Variants in CDC25C observed in about 807,000 individuals in gnomAD.
CDC25C encodes the protein cell division cycle 25C.
CDC25C carries 48 observed loss-of-function variants against 52.5 expected under a neutral mutation model. The observed-to-expected ratio is 0.91, with a 90% CI of 0.72 to 1.16. CDC25C has a LOEUF of 1.16. Among genes scored for constraint, CDC25C ranks in the 50% most tolerant of loss-of-function variants. The pLI is 0.00. For synonymous variants in CDC25C, 187 were observed against 206.5 expected (o/e 0.91, Z 0.81); for missense variants, 510 against 566.1 (o/e 0.90, Z 1.01).
At chr5:138,300,229 A>G (rs540194932) in intron 7 of CDC25C, among the ~76,000 whole-genome samples, 1 of 152,188 alleles carries the variant, frequency 6.6e-6, no homozygotes, top group Non-Finnish European at 1.5e-5. Flanking sequence ...CAGAAATGCA[A>G]GGTTGATATA....
chr5:138,289,376 T>C (rs1332801245), intron 10 of CDC25C, 125 bp downstream of exon 10: 5 of 676,896 alleles, frequency 7.4e-6, no homozygotes, highest in Non-Finnish European at 1.3e-5. Context: ...ATAACTTCAG[T>C]TGAATAAGGA....
rs770854470 is a variant in CDC25C at position 138,286,484 on chromosome 5, T to C, written c.1160+13A>G. 1.2e-6 allele frequency: 2 copies of C among 1,608,172 alleles called. No individual in the cohort carries two copies. The highest frequency in any genetic ancestry group is 1.3e-5 in the African/African-American group (1 of 74,728). Reference sequence around the variant, plus strand: ...CATTTCCATCACCCGCCAGACCCCATTTAGACACTCACATTCGGGGGCCCC... The same window carrying C: ...CATTTCCATCACCCGCCAGACCCCACTTAGACACTCACATTCGGGGGCCCC... On this transcript the variant is annotated intron_variant, in intron 12 of 13. Coordinates refer to ENST00000323760, the MANE Select transcript of CDC25C (RefSeq NM_001790.5).
rs199842341 is a variant in CDC25C at position 138,319,288 on chromosome 5, T to C, written c.546A>G (p.Leu182=). The change falls in exon 7 of 14, where the codon CTA becomes CTG. Residue 182 remains leucine (L), a synonymous_variant. Coordinates refer to ENST00000323760, the MANE Select transcript of CDC25C (RefSeq NM_001790.5). The part of the protein sequence containing the change: ...TVPKLDKNPN[L]GEDQAEEISD... ...AAATCTCTTCTGCCTGGTCTTCTCCTAGGTTTGGATTTTTATCCAATTTTG... is the reference window on the plus strand; with the variant it reads ...AAATCTCTTCTGCCTGGTCTTCTCCCAGGTTTGGATTTTTATCCAATTTTG... 1.8e-4 allele frequency: 296 copies of C among 1,613,094 alleles called. No individual in the cohort carries two copies. Among genetic ancestry groups the C allele is most frequent in the Non-Finnish European group, 2.4e-4 (281 of 1,179,220 alleles).
intron 1 of CDC25C, among the ~76,000 whole-genome samples, 185 bp from the exon 2 acceptor site, chr5:138,331,403 G>C (rs889690533): frequency 2.6e-5 from 4 of 152,200 alleles, no homozygotes; most frequent in Admixed American, 1.3e-4. Context: ...CCTTAAAGAT[G>C]GAATGAAGAG....
Position 138,303,151 on chromosome 5 carries a change from C to T in CDC25C, c.616-11035G>A, listed in dbSNP as rs186927163. 7.6e-4 allele frequency among the ~76,000 whole-genome samples: 116 copies of T among 152,294 alleles called. 2 individuals carry two copies. The East Asian group carries it at 0.022, about 29-fold the overall frequency. ...AGGAAATAGAAGGGAACTTCCTCAA[C>T]CTGATGATGGGCTTCTCAAGAAATG... is the stretch of plus-strand genomic sequence containing the variant. On this transcript the variant is annotated intron_variant, in intron 7 of 13. Transcript: ENST00000323760.
At chr5:138,287,918 T>G (rs899750614) in intron 10 of CDC25C, among the ~76,000 whole-genome samples, 1 of 152,188 alleles carries the variant, frequency 6.6e-6, no homozygotes, top group African/African-American at 2.4e-5. Context: ...AACTTCAATA[T>G]TCAATAATAG....
At position 138,331,079 on chromosome 5, in the gene CDC25C, C is replaced by T. The variant is rs776199779; in HGVS notation, c.102G>A (p.Glu34=). ...GACAGACGGTAAAGGAAGTGTCTCT[C>T]TCCAGGAGCAGGTTTAACATTTTCC... ...NQRKMLNLLL[E]RDTSFTVCPD... The change falls in exon 2 of 14, where the codon GAG becomes GAA. Residue 34 remains glutamate, a synonymous_variant. Coordinates refer to ENST00000323760, the MANE Select transcript of CDC25C (RefSeq NM_001790.5). 10 of 1,614,152 alleles carry T rather than the reference C, an allele frequency of 6.2e-6. No individual in the cohort carries two copies. The South Asian group carries it at 7.7e-5, about 12-fold the overall frequency.
chr5:138,293,699 T>C lies in CDC25C; in HGVS notation c.616-1583A>G, dbSNP rs1468775423. On this transcript the variant is annotated intron_variant, in intron 7 of 13. Coordinates refer to ENST00000323760, the MANE Select transcript of CDC25C (RefSeq NM_001790.5). ...GGTCTCGCTGTCACTCTGGTTGGAG[T>C]GCAGTGGCACAATCTTAGCTCACTG... Among the ~76,000 whole-genome samples the C allele has an allele frequency of 4.6e-5, 7 of 150,802 alleles. No individual in the cohort carries two copies. In the East Asian group the frequency reaches 1.4e-3, roughly 29 times the overall value.
At chr5:138,322,466 A>ATATTTT in intron 6 of CDC25C, among the ~76,000 whole-genome samples, 1 of 67,954 alleles carries the variant, frequency 1.5e-5, no homozygotes, top group African/African-American at 5.0e-5. Flanking sequence ...CGCCCGGCTA[A>ATATTTT]TTTTTTTTTT....
chr5:138,291,982 T>C lies in CDC25C; in HGVS notation c.750A>G (p.Gly250=). ...KVKKKYFSGQ[G]KLRKGLCLKK... ...AAAAAGTTCTTACCTTCCTGAGCTT[T>C]CCTTGGCCAGAAAAATACTTTTTTT... The change falls in exon 8 of 14, where the codon GGA becomes GGG. Residue 250 remains glycine (G), a synonymous_variant. Transcript: ENST00000323760. 1.9e-6 allele frequency: 3 copies of C among 1,608,060 alleles called. No individual in the cohort carries two copies. Among genetic ancestry groups the C allele is most frequent in the African/African-American group, 1.3e-5 (1 of 74,762 alleles).
At chr5:138,291,924 C>A in intron 8 of CDC25C, 46 bp downstream of exon 8, 1 of 1,537,242 alleles carries the variant, frequency 6.5e-7, no homozygotes. Flanking sequence ...AAAGCAAAGA[C>A]ATGAGATAGA....
chr5:138,287,157 A>G lies in CDC25C; in HGVS notation c.1026+12T>C, dbSNP rs1756313217. On this transcript the variant is annotated intron_variant, in intron 11 of 13. Transcript: ENST00000323760. Reference sequence around the variant, plus strand: ...CAGCCCTCCCCTACTAATGGCCACAATGTCGTCTCACCTGGATGTGTCCTC... The same window carrying G: ...CAGCCCTCCCCTACTAATGGCCACAGTGTCGTCTCACCTGGATGTGTCCTC... The G allele has an allele frequency of 1.9e-6, 3 of 1,592,150 alleles. No individual in the cohort carries two copies. Among genetic ancestry groups the G allele is most frequent in the Non-Finnish European group, 2.6e-6 (3 of 1,160,110 alleles).
chr5:138,330,412 C>T (rs912574193), intron 2 of CDC25C, among the ~76,000 whole-genome samples: 3 of 152,186 alleles, frequency 2.0e-5, no homozygotes, highest in Admixed American at 6.5e-5. Context: ...AAGTGACCGA[C>T]TCGTAATGCA....
At chr5:138,304,801 C>T (rs1301462520) in intron 7 of CDC25C, among the ~76,000 whole-genome samples, 1 of 152,132 alleles carries the variant, frequency 6.6e-6, no homozygotes, top group Non-Finnish European at 1.5e-5. Flanking sequence ...AGCCAAACCA[C>T]CCGTTGACTT....
In CDC25C at chr5:138,287,183, C is replaced by T. The variant is rs772712949; in HGVS notation, c.1012G>A (p.Gly338Arg). Reference protein sequence around the residue: ...IDCRYPYEYLGGHIQGALNLY... With the variant: ...IDCRYPYEYLRGHIQGALNLY... Reference sequence around the variant, plus strand: ...TGTCGTCTCACCTGGATGTGTCCTCCCAGATACTCATATGGATAGCGACAA... The same window carrying T: ...TGTCGTCTCACCTGGATGTGTCCTCTCAGATACTCATATGGATAGCGACAA... Residue 338 changes from glycine to arginine, a missense_variant, in exon 11 of 14, where the codon GGA (glycine) becomes AGA (arginine). Coordinates refer to ENST00000323760, the MANE Select transcript of CDC25C (RefSeq NM_001790.5). 3.7e-6 allele frequency: 6 copies of T among 1,613,060 alleles called. No homozygotes were observed. Among genetic ancestry groups the T allele is most frequent in the Non-Finnish European group, 5.1e-6 (6 of 1,179,104 alleles).
chr5:138,290,068 T>C (rs1269561438), intron 9 of CDC25C, among the ~76,000 whole-genome samples: 1 of 151,450 alleles, frequency 6.6e-6, no homozygotes, highest in Non-Finnish European at 1.5e-5. Flanking sequence ...CCTTGAATCT[T>C]AAAAAAAGAA....
chr5:138,328,532 G>T lies in CDC25C; in HGVS notation c.290-3C>A. The T allele has an allele frequency of 6.2e-7, 1 of 1,611,666 alleles. No homozygotes were observed. The highest frequency in any genetic ancestry group is 8.5e-7 in the Non-Finnish European group (1 of 1,177,778). On this transcript the variant is annotated splice_polypyrimidine_tract_variant and splice_region_variant and intron_variant, in intron 3 of 13. Transcript: ENST00000323760. ...AAGTCCTGAAGAATCCAGGTGACCT[G>T]CAATCAAATATAAAGAATCAGTAAA...
intron 7 of CDC25C, among the ~76,000 whole-genome samples, chr5:138,316,708 G>A (rs1276806163): frequency 6.6e-6 from 1 of 152,112 alleles, no homozygotes; most frequent in Non-Finnish European, 1.5e-5. Context: ...AACCAAAGAG[G>A]AGAGAGGAGC....
At chr5:138,309,959 G>A (rs1035517864) in intron 7 of CDC25C, among the ~76,000 whole-genome samples, 2 of 151,942 alleles carry the variant, frequency 1.3e-5, no homozygotes, top group African/African-American at 2.4e-5. Context: ...CACCTGTCTC[G>A]GCCTCCCAAA....
Sources: allele counts gnomAD v4.1 joint callset (sites outside exome capture counted in the v4.1 genomes callset), GRCh38; gene constraint gnomAD v4.1.1; transcripts MANE v1.5; gene names NCBI Gene and HGNC (gene_info 2026-07-23, HGNC 2026-07-21).